FBXO21: variants seen among roughly 807,000 people sequenced by gnomAD.
The protein encoded by FBXO21 is F-box only protein 21.
Under a neutral mutation model 76.6 loss-of-function variants are expected in FBXO21, and 32 were observed. That is an observed-to-expected ratio of 0.42 (90% CI 0.32 to 0.56). The LOEUF is 0.56. Among genes scored for constraint, FBXO21 ranks in the 20% least tolerant of loss-of-function variants. The probability of loss-of-function intolerance (pLI) is 0.16; values close to 1 mark genes in which losing one functional copy is unlikely to be tolerated. For missense variants in FBXO21, 586 were observed against 797.3 expected (o/e 0.73, Z 3.19); for synonymous variants, 328 against 311.5 (o/e 1.05, Z -0.56).
intron 11 of FBXO21, among the ~76,000 whole-genome samples, chr12:117,150,086 C>T (rs949056068): frequency 7.2e-5 from 11 of 152,166 alleles, no homozygotes; most frequent in Non-Finnish European, 1.3e-4. Flanking sequence ...AAAAAATTAA[C>T]AACATAATGA....
chr12:117,165,915 C>T (rs1371440153), intron 8 of FBXO21, among the ~76,000 whole-genome samples: 5 of 152,214 alleles, frequency 3.3e-5, no homozygotes, highest in East Asian at 1.9e-4. Context: ...GAAGGCCGGG[C>T]GCAGTGGCTC....
chr12:117,179,771 A>T (rs1188140435), intron 3 of FBXO21, among the ~76,000 whole-genome samples: 1 of 152,222 alleles, frequency 6.6e-6, no homozygotes, highest in African/African-American at 2.4e-5. Context: ...TGGTGATATT[A>T]AAATTCAATC....
intron 2 of FBXO21, 35 bp from the exon 3 acceptor site, chr12:117,186,606 ATGAGT>A: frequency 2.3e-6 from 3 of 1,294,826 alleles, no homozygotes; most frequent in Non-Finnish European, 3.3e-6. Context: ...GGCCTCAATT[ATGAGT>A]ATTGATGCAA....
intron 2 of FBXO21, 33 bp downstream of exon 2, chr12:117,189,194 C>T: frequency 6.2e-7 from 1 of 1,614,008 alleles, no homozygotes; most frequent in Non-Finnish European, 8.5e-7. Context: ...CACCAGCAAG[C>T]CAAAGCTTAG....
chr12:117,169,654 C>A (rs1411178087), intron 7 of FBXO21, among the ~76,000 whole-genome samples: 2 of 152,056 alleles, frequency 1.3e-5, no homozygotes, highest in Admixed American at 6.6e-5. Context: ...CTGCTCCCAA[C>A]AGCATGCCTG....
At position 117,174,163 on chromosome 12, in the gene FBXO21, A is replaced by G. The variant is rs185852007; in HGVS notation, c.876+42T>C. On this transcript the variant is annotated intron_variant, in intron 6 of 11. Coordinates refer to ENST00000622495, the MANE Select transcript of FBXO21 (RefSeq NM_015002.3). ...AAAAACAGAAAAAAAAAGTTACTAT[A>G]CCTATATTACTATACCCATATATTA... The G allele has an allele frequency of 2.8e-3, 4,252 of 1,504,350 alleles. 17 individuals carry two copies. The highest frequency in any genetic ancestry group is 6.9e-3 in the Middle Eastern group (40 of 5,758). 93.2% of individuals were successfully genotyped at this position (1,504,350 alleles called of 1,614,324 possible).
At chr12:117,183,821 T>C (rs958828647) in intron 3 of FBXO21, among the ~76,000 whole-genome samples, 1 of 152,224 alleles carries the variant, frequency 6.6e-6, no homozygotes, top group Non-Finnish European at 1.5e-5. Context: ...TGTGATCATT[T>C]AAAAATTTCA....
At chr12:117,171,228 C>T (rs1956115250) in intron 7 of FBXO21, among the ~76,000 whole-genome samples, 1 of 151,764 alleles carries the variant, frequency 6.6e-6, no homozygotes, top group East Asian at 1.9e-4. Context: ...GGTGGTGGTA[C>T]ATGCCTGTGG....
intron 2 of FBXO21, chr12:117,188,853 G>T: frequency 5.1e-6 from 1 of 197,800 alleles, no homozygotes. Flanking sequence ...AAAACAACCG[G>T]GAGAAATTTA....
rs765042139 is a variant in FBXO21, at chr12:117,190,417, G to C, written c.40C>G (p.Pro14Ala). 3 of 1,474,934 alleles carry C rather than the reference G, an allele frequency of 2.0e-6. No individual in the cohort carries two copies. The highest frequency in any genetic ancestry group is 2.7e-6 in the Non-Finnish European group (3 of 1,112,782). 91.4% of individuals were successfully genotyped at this position (1,474,934 alleles called of 1,614,324 possible). The stretch of plus-strand genomic sequence containing the variant: ...GGCGCGGCCTCCTCCGCCAGCGCCG[G>C]CACCACCTCCATCGCGCTGTCGACT... The part of the protein sequence containing the change: ...AAVDSAMEVV[P>A]ALAEEAAPEV... The change falls in exon 1 of 12, where the codon CCG (proline) becomes GCG (alanine). Residue 14 changes from proline (P) to alanine (A), a missense_variant. Coordinates refer to ENST00000622495, the MANE Select transcript of FBXO21 (RefSeq NM_015002.3).
rs563576782 is a variant in FBXO21 at position 117,182,450 on chromosome 12, C to G, written c.470+4027G>C. Among the ~76,000 whole-genome samples, 5 of 152,002 alleles carry G rather than the reference C, an allele frequency of 3.3e-5. No individual in the cohort carries two copies. The East Asian group carries it at 9.7e-4, about 29-fold the overall frequency. ...GTTACAGTGAGCCATGATTGCACCA[C>G]TGTACTCCAGCCTGGGCAACAGGAT... On this transcript the variant is annotated intron_variant, in intron 3 of 11. Coordinates refer to ENST00000622495, the MANE Select transcript of FBXO21 (RefSeq NM_015002.3).
intron 11 of FBXO21, among the ~76,000 whole-genome samples, chr12:117,151,190 CG>C (rs1238673095): frequency 6.6e-6 from 1 of 152,056 alleles, no homozygotes. Context: ...TTCAATACGG[CG>C]GCTGACCTAG....
At chr12:117,175,416 T>G (rs982682135) in intron 4 of FBXO21, among the ~76,000 whole-genome samples, 3 of 152,204 alleles carry the variant, frequency 2.0e-5, no homozygotes, top group Admixed American at 2.0e-4. Flanking sequence ...TTCACAGTCT[T>G]AGGTAATTTT....
intron 3 of FBXO21, among the ~76,000 whole-genome samples, chr12:117,184,089 T>C (rs1420780083): frequency 6.6e-6 from 1 of 151,950 alleles, no homozygotes; most frequent in East Asian, 1.9e-4. Flanking sequence ...GTGATGCCAG[T>C]TTCCCATTAT....
At position 117,142,142 on chromosome 12, in the gene FBXO21, A is replaced by C. The variant is rs1955723764; in HGVS notation, c.*3945T>G. The stretch of plus-strand genomic sequence containing the variant: ...AAGATTCTAAATTTTTCAGAAATGC[A>C]ACATTCAAGGTTAAAGTCGCTGCTA... On this transcript the variant is annotated 3_prime_UTR_variant, in exon 12 of 12. Coordinates refer to ENST00000622495, the MANE Select transcript of FBXO21 (RefSeq NM_015002.3). 1 of 152,338 alleles carries C rather than the reference A, an allele frequency of 6.6e-6. No homozygotes were observed. The highest frequency in any genetic ancestry group is 1.9e-4 in the East Asian group (1 of 5,190). The allele number at this position is 152,338 out of a possible 1,614,324, so 9.4% of individuals were successfully genotyped here.
chr12:117,164,274 CTTTTTTTT>C (rs538169408), intron 9 of FBXO21, among the ~76,000 whole-genome samples: 3 of 126,842 alleles, frequency 2.4e-5, no homozygotes, highest in Non-Finnish European at 5.0e-5. Context: ...CTTTTCTTTT[CTTTTTTTT>C]TTTTTTTTTT....
At chr12:117,172,679 A>C in intron 6 of FBXO21, 72 bp from the exon 7 acceptor site, 376 of 1,492,196 alleles carry the variant, frequency 2.5e-4, no homozygotes, top group Non-Finnish European at 3.2e-4. Flanking sequence ...AAACATTCTC[A>C]TTAGGCACCT....
At chr12:117,172,776 G>A (rs1468853006) in intron 6 of FBXO21, among the ~76,000 whole-genome samples, 169 bp from the exon 7 acceptor site, 1 of 152,162 alleles carries the variant, frequency 6.6e-6, no homozygotes, top group Admixed American at 6.5e-5. Flanking sequence ...TATGGTCCAT[G>A]GCAATTCCAG....
At chr12:117,188,599 GAAAAC>G (rs749816845) in intron 2 of FBXO21, among the ~76,000 whole-genome samples, 23 of 137,096 alleles carry the variant, frequency 1.7e-4, no homozygotes, top group Non-Finnish European at 2.5e-4. Flanking sequence ...AAGAAAAAAA[GAAAAC>G]AAAACAAAAC....
Sources: gnomAD v4.1 joint callset for allele counts (sites outside exome capture counted in the v4.1 genomes callset) on GRCh38, gnomAD v4.1.1 for gene constraint, MANE v1.5 for transcripts, NCBI Gene and HGNC (gene_info 2026-07-23, HGNC 2026-07-21) for gene names.